The following CDHR3 variants were observed in gnomAD, a reference collection of about 807,000 sequenced individuals.
CDHR3 encodes cadherin-related family member 3.
A neutral mutation model predicts 86.6 loss-of-function variants in CDHR3; 79 were observed. The ratio of observed to expected loss-of-function variants is 0.91; its 90% CI spans 0.76 to 1.10. The LOEUF (loss-of-function observed/expected upper bound fraction) is 1.10, where lower values mean the gene tolerates loss of function less well. Ranked by LOEUF, CDHR3 falls within the 50% of genes least tolerant of loss-of-function variation. CDHR3 has a pLI of 0.00. For missense variants in CDHR3, 1,081 were observed against 1,077.6 expected, an observed-to-expected ratio of 1.00 and a Z score of -0.04; for synonymous variants, 421 against 402.4, an observed-to-expected ratio of 1.05 and a Z score of -0.55.
intron 4 of CDHR3, among the ~76,000 whole-genome samples, chr7:105,993,703 A>G (rs1243016949): frequency 5.4e-4 from 70 of 129,300 alleles, no homozygotes; most frequent in East Asian, 2.9e-3. Context: ...AAAAAAAAAA[A>G]AAGAAGAAGA....
At chr7:106,032,282 A>T in intron 18 of CDHR3, 111 bp from the exon 19 acceptor site, 1 of 1,008,676 alleles carries the variant, frequency 9.9e-7, no homozygotes, top group Non-Finnish European at 1.4e-6. Context: ...CACACCTTCT[A>T]GTGTGCTTCA....
chr7:106,029,197 T>C lies in CDHR3; in HGVS notation c.2304+615T>C, dbSNP rs572725112. 3.9e-5 allele frequency among the ~76,000 whole-genome samples: 6 copies of C among 152,224 alleles called. No individual in the cohort carries two copies. In the South Asian group the frequency reaches 1.2e-3, roughly 32 times the overall value. ...GGTTTCACCATGTTGGCCAGGCTGG[T>C]CTTGAACTCCTGACCTCAAGTGATC... On this transcript the variant is annotated intron_variant, in intron 17 of 18. Coordinates refer to ENST00000317716, the MANE Select transcript of CDHR3 (RefSeq NM_152750.5).
intron 8 of CDHR3, among the ~76,000 whole-genome samples, chr7:106,009,676 G>A (rs1834483045): frequency 6.6e-6 from 1 of 152,110 alleles, no homozygotes; most frequent in African/African-American, 2.4e-5. Flanking sequence ...CTGCCCGCGC[G>A]GGCTCCTGCA....
intron 8 of CDHR3, among the ~76,000 whole-genome samples, chr7:106,008,111 A>C (rs560153168): frequency 1.3e-5 from 2 of 152,268 alleles, no homozygotes; most frequent in East Asian, 3.9e-4. Context: ...CAGCACAGGA[A>C]AGACTTGCCA....
intron 2 of CDHR3, among the ~76,000 whole-genome samples, chr7:105,978,075 C>A (rs1430550832): frequency 6.6e-6 from 1 of 152,170 alleles, no homozygotes; most frequent in African/African-American, 2.4e-5. Context: ...AGAGGTTGAG[C>A]AACTTGCCCA....
At chr7:105,964,099 A>T (rs1029109958) in intron 1 of CDHR3, among the ~76,000 whole-genome samples, 1 of 152,106 alleles carries the variant, frequency 6.6e-6, no homozygotes, top group African/African-American at 2.4e-5. Flanking sequence ...ATGCTTAGTA[A>T]ATGTTAGTGA....
chr7:106,018,355 GC>G (rs1835985954), intron 12 of CDHR3, among the ~76,000 whole-genome samples: 1 of 152,214 alleles, frequency 6.6e-6, no homozygotes, highest in Admixed American at 6.5e-5. Flanking sequence ...TCGTGCCTCA[GC>G]CTCTCAAGTA....
At chr7:106,013,128 A>AATT (rs1835068698) in intron 9 of CDHR3, 97 bp downstream of exon 9, 1 of 1,137,380 alleles carries the variant, frequency 8.8e-7, no homozygotes, top group African/African-American at 1.6e-5. Flanking sequence ...TTCCAAGGTA[A>AATT]CCCCCTCTCA....
chr7:106,004,967 T>A, intron 8 of CDHR3: 1 of 429,000 alleles, frequency 2.3e-6, no homozygotes, highest in Non-Finnish European at 4.2e-6. Flanking sequence ...GGCTCATCTC[T>A]GTTGGTGAAA....
chr7:105,966,362 G>A (rs970497740), intron 1 of CDHR3, among the ~76,000 whole-genome samples: 2 of 152,120 alleles, frequency 1.3e-5, no homozygotes, highest in Admixed American at 6.6e-5. Context: ...ACATGAAAAG[G>A]TACCAAACCC....
rs1273311173 is a variant in CDHR3 at position 106,030,224 on chromosome 7, G to C, written c.2305-568G>C. 6.6e-6 allele frequency among the ~76,000 whole-genome samples: 1 copy of C among 152,216 alleles called. No individual in the cohort carries two copies. The highest frequency in any genetic ancestry group is 1.5e-5 in the Non-Finnish European group (1 of 68,048). On this transcript the variant is annotated intron_variant, in intron 17 of 18. Coordinates refer to ENST00000317716, the MANE Select transcript of CDHR3 (RefSeq NM_152750.5). The surrounding 1 kb of genome is among the most constrained non-coding windows in gnomAD (Gnocchi z 4.8). ...TCAGGTCCTGGAGGGTGGCACCAAGGACAGATCAGGGAAGAGAAAAGACCT... is the reference window on the plus strand; with the variant it reads ...TCAGGTCCTGGAGGGTGGCACCAAGCACAGATCAGGGAAGAGAAAAGACCT...
Sources: gnomAD v4.1 joint callset for allele counts (sites outside exome capture counted in the v4.1 genomes callset) on GRCh38, gnomAD v4.1.1 for gene constraint, Gnocchi (gnomAD v3.1) non-coding constraint, MANE v1.5 for transcripts, NCBI Gene and HGNC (gene_info 2026-07-23, HGNC 2026-07-21) for gene names.